Variants in NR2F1-AS1 observed in about 807,000 individuals in gnomAD.
NR2F1-AS1 encodes NR2F1 regulatory antisense RNA 1.
chr5:93,554,653 T>A (rs930915265), intron 3 of NR2F1-AS1, among the ~76,000 whole-genome samples: 13 of 152,328 alleles, frequency 8.5e-5, no homozygotes, highest in Non-Finnish European at 1.9e-4. Context: ...ATCACAATGT[T>A]AAGTGCCTAT....
intron 4 of NR2F1-AS1, among the ~76,000 whole-genome samples, chr5:93,468,554 A>T (rs1430421061): frequency 6.6e-6 from 1 of 152,024 alleles, no homozygotes; most frequent in African/African-American, 2.4e-5. Context: ...TAGCCCTTTG[A>T]CAGATGAGTA....
chr5:93,473,138 T>C (rs1302780458), intron 4 of NR2F1-AS1, among the ~76,000 whole-genome samples: 1 of 151,904 alleles, frequency 6.6e-6, no homozygotes, highest in African/African-American at 2.4e-5. Context: ...GTTTACAGTT[T>C]AAATTGCTAC....
At chr5:93,447,394 A>G (rs1024034569) in intron 4 of NR2F1-AS1, among the ~76,000 whole-genome samples, 4 of 152,128 alleles carry the variant, frequency 2.6e-5, no homozygotes, top group Admixed American at 1.3e-4. Context: ...AGGGGGCAAA[A>G]GATAGGAACA....
At chr5:93,416,207 A>G (rs768728652) in intron 4 of NR2F1-AS1, among the ~76,000 whole-genome samples, 5 of 152,260 alleles carry the variant, frequency 3.3e-5, no homozygotes, top group African/African-American at 4.8e-5. Context: ...TGAGCTGGTC[A>G]CTAGCACACA....
At chr5:93,468,103 C>T (rs1050587291) in intron 4 of NR2F1-AS1, among the ~76,000 whole-genome samples, 34 of 151,986 alleles carry the variant, frequency 2.2e-4, no homozygotes, top group African/African-American at 6.3e-4. Context: ...TGAATAGTGC[C>T]GCAATAAACA....
chr5:93,572,569 G>A lies in NR2F1-AS1; in HGVS notation n.313+7898C>T, dbSNP rs188769513. On this transcript the variant is annotated intron_variant and non_coding_transcript_variant, in intron 1 of 5. Coordinates refer to ENST00000660523, the Ensembl canonical transcript of NR2F1-AS1. ...CTGTCAGCCCGAGCTGGGCGCCTTG[G>A]CCTCTTTCTGGTGCCCCAGCCCTGC... 7.0e-4 allele frequency among the ~76,000 whole-genome samples: 107 copies of A among 152,300 alleles called. No individual in the cohort carries two copies. The East Asian group carries it at 0.014, about 20-fold the overall frequency.
intron 4 of NR2F1-AS1, among the ~76,000 whole-genome samples, chr5:93,429,339 C>T (rs1749262440): frequency 6.6e-6 from 1 of 152,144 alleles, no homozygotes; most frequent in African/African-American, 2.4e-5. Flanking sequence ...AAATAAATGA[C>T]CACAGAAGCA....
At chr5:93,450,264 AG>A (rs1399880782) in intron 4 of NR2F1-AS1, among the ~76,000 whole-genome samples, 1 of 152,218 alleles carries the variant, frequency 6.6e-6, no homozygotes, top group East Asian at 1.9e-4. Flanking sequence ...ATAATTCAAA[AG>A]CAATTTATTT....
chr5:93,490,542 TGGTGGTG>T, intron 4 of NR2F1-AS1, among the ~76,000 whole-genome samples: 1 of 149,960 alleles, frequency 6.7e-6, no homozygotes, highest in South Asian at 2.1e-4. Flanking sequence ...ATGGTGGCAG[TGGTGGTG>T]GTGGTCATGG....
At chr5:93,470,112 T>G (rs1472387559) in intron 4 of NR2F1-AS1, among the ~76,000 whole-genome samples, 3 of 151,954 alleles carry the variant, frequency 2.0e-5, no homozygotes, top group African/African-American at 4.8e-5. Flanking sequence ...ACAATAGTAA[T>G]AGCAGAAAAC....
chr5:93,505,126 C>T (rs1461695213), intron 4 of NR2F1-AS1, among the ~76,000 whole-genome samples: 1 of 152,068 alleles, frequency 6.6e-6, no homozygotes, highest in African/African-American at 2.4e-5. Flanking sequence ...TTGGCCAAAA[C>T]AAAGTGGTTA....
chr5:93,447,099 C>T (rs930664732), intron 4 of NR2F1-AS1, among the ~76,000 whole-genome samples: 3 of 152,020 alleles, frequency 2.0e-5, no homozygotes, highest in African/African-American at 7.2e-5. Flanking sequence ...CCATAAAAAC[C>T]CTAGAAGAAA....
chr5:93,516,454 A>G (rs930828850), intron 4 of NR2F1-AS1, among the ~76,000 whole-genome samples: 1 of 151,940 alleles, frequency 6.6e-6, no homozygotes, highest in Non-Finnish European at 1.5e-5. Flanking sequence ...TTTTCTTTAT[A>G]TCCCTTCCCA....
At chr5:93,492,359 T>C (rs1750869516) in intron 4 of NR2F1-AS1, among the ~76,000 whole-genome samples, 1 of 152,216 alleles carries the variant, frequency 6.6e-6, no homozygotes, top group Non-Finnish European at 1.5e-5. Context: ...GTTTGTTTTT[T>C]GAGCTAATTA....
chr5:93,453,662 TC>T (rs2149858887), intron 4 of NR2F1-AS1, among the ~76,000 whole-genome samples: 1 of 152,022 alleles, frequency 6.6e-6, no homozygotes, highest in South Asian at 2.1e-4. Context: ...AAACTTCTCA[TC>T]AAAAACTAGG....
intron 4 of NR2F1-AS1, among the ~76,000 whole-genome samples, chr5:93,507,060 A>T (rs1327758482): frequency 6.6e-6 from 1 of 152,228 alleles, no homozygotes; most frequent in East Asian, 1.9e-4. Flanking sequence ...TGCTAAATTT[A>T]GTAATGTAAT....
At chr5:93,570,774 C>T (rs970898122) in intron 1 of NR2F1-AS1, 1 of 152,244 alleles carries the variant, frequency 6.6e-6, no homozygotes, top group African/African-American at 2.4e-5. Context: ...CTCCGCCGCG[C>T]GGGGGACCGC....
At chr5:93,448,260 C>T (rs1312390224) in intron 4 of NR2F1-AS1, among the ~76,000 whole-genome samples, 2 of 152,136 alleles carry the variant, frequency 1.3e-5, no homozygotes, top group Non-Finnish European at 2.9e-5. Flanking sequence ...TAAAATAACA[C>T]AATCTCATGT....
At chr5:93,469,751 C>G (rs189162738) in intron 4 of NR2F1-AS1, among the ~76,000 whole-genome samples, 1 of 152,192 alleles carries the variant, frequency 6.6e-6, no homozygotes, top group African/African-American at 2.4e-5. Context: ...CTATTCCCTA[C>G]ATCCACACTC....
Sources: allele counts gnomAD v4.1 joint callset (sites outside exome capture counted in the v4.1 genomes callset), GRCh38; gene constraint gnomAD v4.1.1; transcripts MANE v1.5; gene names NCBI Gene and HGNC (gene_info 2026-07-23, HGNC 2026-07-21).